The following ZNF382 variants were observed in gnomAD, a reference collection of about 807,000 sequenced individuals.
The protein encoded by ZNF382 is KRAB/zinc finger suppressor protein 1.
Under a neutral mutation model 38.8 loss-of-function variants are expected in ZNF382, and 20 were observed. The observed-to-expected ratio is 0.51, with a 90% CI of 0.36 to 0.75. The LOEUF is 0.75. ZNF382 is among the 30% of genes least tolerant of loss of function. ZNF382 has a pLI of 0.00. For missense variants in ZNF382, 546 were observed against 654.1 expected, an observed-to-expected ratio of 0.83 and a Z score of 1.80; for synonymous variants, 202 against 223.1, an observed-to-expected ratio of 0.91 and a Z score of 0.84.
chr19:36,627,383 C>T lies in ZNF382; in HGVS notation c.1486C>T (p.Gln496Ter). 6.2e-7 allele frequency: 1 copy of T among 1,614,108 alleles called. No individual in the cohort carries two copies. The highest frequency in any genetic ancestry group is 1.6e-4 in the Middle Eastern group (1 of 6,062). The part of the protein sequence containing the change: ...HTGEKSNGCP[Q>*]CGKAFSRKSN... ...AGGAGAAAAATCCAATGGGTGTCCT[C>T]AGTGTGGGAAAGCCTTCAGTAGGAA... The change falls in exon 5 of 5, where the codon CAG (glutamine) becomes TAG (stop). Residue 496 changes from glutamine (Q) to a stop codon, truncating the protein, a stop_gained. Coordinates refer to ENST00000292928, the MANE Select transcript of ZNF382 (RefSeq NM_032825.5). LOFTEE classifies it high-confidence loss of function.
At chr19:36,613,750 C>A (rs1233597856) in intron 4 of ZNF382, among the ~76,000 whole-genome samples, 1 of 151,898 alleles carries the variant, frequency 6.6e-6, no homozygotes, top group Admixed American at 6.6e-5. Context: ...GTATATTTTG[C>A]TTTTTAAGAT....
At position 36,614,912 on chromosome 19, in the gene ZNF382, T is replaced by TCCTTTCCTTC. The variant is rs1182606368; in HGVS notation, c.232+4174_232+4175insTCCTTCCCTT. Among the ~76,000 whole-genome samples, 51 of 43,090 alleles carry TCCTTTCCTTC rather than the reference T, an allele frequency of 1.2e-3. 3 individuals carry two copies. Among genetic ancestry groups the TCCTTTCCTTC allele is most frequent in the African/African-American group, 2.1e-3 (17 of 8,244 alleles). The allele number at this position is 43,090 out of a possible 152,430, so 28.3% of individuals were successfully genotyped here. On this transcript the variant is annotated intron_variant, in intron 4 of 4. Coordinates refer to ENST00000292928, the MANE Select transcript of ZNF382 (RefSeq NM_032825.5). ...TCCTTTCCTTTCCTTTCCTTTCCTT[T>TCCTTTCCTTC]CCTTCCCTTTCCCTTTCCCTTTCCC...
In ZNF382 at chr19:36,626,136, A is replaced by G. The variant is rs757400244; in HGVS notation, c.239A>G (p.Asp80Gly). Residue 80 changes from aspartate to glycine, a missense_variant, in exon 5 of 5, where the codon GAT becomes GGT. Asp to Gly is a moderately conservative substitution (Grantham distance 94). Coordinates refer to ENST00000292928, the MANE Select transcript of ZNF382 (RefSeq NM_032825.5). ...IFPSYSYLEE[D>G]GKTEDVLVKF... ...TAATGGTATTCTTTTCTAGAAGAAG[A>G]TGGGAAAACTGAAGATGTCTTAGTG... The G allele has an allele frequency of 2.6e-6, 4 of 1,537,590 alleles. No homozygotes were observed. The highest frequency in any genetic ancestry group is 1.7e-4 in the Middle Eastern group (1 of 5,724).
At chr19:36,621,330 T>G (rs936629940) in intron 4 of ZNF382, among the ~76,000 whole-genome samples, 20 of 150,682 alleles carry the variant, frequency 1.3e-4, no homozygotes, top group East Asian at 9.7e-4. Context: ...CCTAGTTTTT[T>G]TTTTTTTTTT....
In ZNF382 at chr19:36,614,916, T is replaced by TTCCTTTCCTTTCCTTC. The variant is rs1568628623; in HGVS notation, c.232+4174_232+4175insTCCTTTCCTTTCCTTC. Among the ~76,000 whole-genome samples the TTCCTTTCCTTTCCTTC allele has an allele frequency of 2.6e-5, 3 of 115,282 alleles. 1 individual carries two copies. Among genetic ancestry groups the TTCCTTTCCTTTCCTTC allele is most frequent in the African/African-American group, 1.2e-4 (3 of 24,290 alleles). The allele number at this position is 115,282 out of a possible 152,430, so 75.6% of individuals were successfully genotyped here. A position where few individuals can be genotyped will look rare whatever the true frequency, so the allele number is the denominator to read the frequency against. ...TTCCTTTCCTTTCCTTTCCTTTCCT[T>TTCCTTTCCTTTCCTTC]CCCTTTCCCTTTCCCTTTCCCTTTC... On this transcript the variant is annotated intron_variant, in intron 4 of 4. Transcript: ENST00000292928.
intron 2 of ZNF382, 168 bp downstream of exon 2, chr19:36,607,790 T>G (rs1332648472): frequency 1.4e-6 from 1 of 693,094 alleles, no homozygotes. Flanking sequence ...GGTGAAATAT[T>G]TAAGGGGTAC....
intron 4 of ZNF382, among the ~76,000 whole-genome samples, chr19:36,615,954 T>TA (rs1279321557): frequency 6.6e-6 from 1 of 152,252 alleles, no homozygotes; most frequent in Admixed American, 6.5e-5. Flanking sequence ...ATCAAAATTT[T>TA]ACCCCAAGTC....
At position 36,613,846 on chromosome 19, in the gene ZNF382, C is replaced by T. The variant is rs184912485; in HGVS notation, c.232+3104C>T. 1.1e-4 allele frequency among the ~76,000 whole-genome samples: 17 copies of T among 152,206 alleles called. No individual in the cohort carries two copies. In the East Asian group the frequency reaches 3.3e-3, roughly 29 times the overall value. On this transcript the variant is annotated intron_variant, in intron 4 of 4. Coordinates refer to ENST00000292928, the MANE Select transcript of ZNF382 (RefSeq NM_032825.5). ...CTTCTATATGGTTATCAATTTGTTCCATCAGTATTTATTGACTGAATTACT... is the reference window on the plus strand; with the variant it reads ...CTTCTATATGGTTATCAATTTGTTCTATCAGTATTTATTGACTGAATTACT...
intron 4 of ZNF382, among the ~76,000 whole-genome samples, chr19:36,615,204 T>A (rs1600390547): frequency 1.3e-5 from 2 of 151,988 alleles, no homozygotes; most frequent in African/African-American, 2.4e-5. Flanking sequence ...GCCAGGCTGG[T>A]CTCGAACTCC....
At chr19:36,609,759 A>T in intron 2 of ZNF382, 143 bp from the exon 3 acceptor site, 1 of 782,818 alleles carries the variant, frequency 1.3e-6, no homozygotes, top group Middle Eastern at 2.4e-4. Context: ...TTAGCATGAG[A>T]TTATAAGTAA....
In ZNF382 at chr19:36,627,923, T is replaced by G. The variant is rs2037228554; in HGVS notation, c.*373T>G. ...GGACTACACAGTGAGTAGAGGTTCT[T>G]TAAAAGAAGGAGGTATGAACTGTAT... On this transcript the variant is annotated 3_prime_UTR_variant, in exon 5 of 5. Coordinates refer to ENST00000292928, the MANE Select transcript of ZNF382 (RefSeq NM_032825.5). 5.8e-6 allele frequency: 1 copy of G among 172,624 alleles called. No individual in the cohort carries two copies. Among genetic ancestry groups the G allele is most frequent in the Non-Finnish European group, 1.3e-5 (1 of 79,464 alleles). 10.7% of individuals were successfully genotyped at this position (172,624 alleles called of 1,614,324 possible).
chr19:36,626,213 C>A lies in ZNF382; in HGVS notation c.316C>A (p.His106Asn). 6.3e-7 allele frequency: 1 copy of A among 1,599,462 alleles called. No homozygotes were observed. The change falls in exon 5 of 5, where the codon CAC becomes AAC. Residue 106 changes from histidine to asparagine, a missense_variant. His to Asn is a moderately conservative substitution (Grantham distance 68, BLOSUM62 1). Transcript: ENST00000292928. ...RHSRPLIFIN[H>N]KKLIKERSNI... ...TTCTAGACCCCTCATATTCATCAAC[C>A]ACAAAAAACTAATTAAGGAGAGAAG... is the stretch of plus-strand genomic sequence containing the variant.
intron 4 of ZNF382, among the ~76,000 whole-genome samples, chr19:36,614,914 C>CCTTTCCCT (rs1555793084): frequency 1.1e-5 from 1 of 90,788 alleles, no homozygotes; most frequent in Non-Finnish European, 2.2e-5. Flanking sequence ...CTTTCCTTTC[C>CCTTTCCCT]TTCCCTTTCC....
In ZNF382 at chr19:36,631,231, CACCT is replaced by C. The variant is rs1292428374; in HGVS notation, c.*3683_*3686del. 1 of 152,142 alleles carries C rather than the reference CACCT, an allele frequency of 6.6e-6. No individual in the cohort carries two copies. The highest frequency in any genetic ancestry group is 1.9e-4 in the East Asian group (1 of 5,194). 9.4% of individuals were successfully genotyped at this position (152,142 alleles called of 1,614,324 possible). On this transcript the variant is annotated 3_prime_UTR_variant, in exon 5 of 5. Coordinates refer to ENST00000292928, the MANE Select transcript of ZNF382 (RefSeq NM_032825.5). The stretch of plus-strand genomic sequence containing the variant: ...AACCGAGATGGTACAGCCTACTAAA[CACCT>C]AGGCTATATGGTAGAGCCTGTTGCT...
At chr19:36,610,879 A>G (rs1265040591) in intron 4 of ZNF382, 137 bp downstream of exon 4, 16 of 586,306 alleles carry the variant, frequency 2.7e-5, no homozygotes, top group Non-Finnish European at 4.2e-5. Context: ...TTTTAAGCAT[A>G]TAGTTCAGTA....
chr19:36,605,711 C>G (rs2037016225), intron 1 of ZNF382: 1 of 152,260 alleles, frequency 6.6e-6, no homozygotes. Context: ...GCCTCCTGCG[C>G]CCAACCTGCT....
intron 4 of ZNF382, among the ~76,000 whole-genome samples, chr19:36,625,089 A>AATATATATATATGTATAT: frequency 2.3e-5 from 1 of 42,994 alleles, no homozygotes; most frequent in South Asian, 1.3e-3. Context: ...AATGAATTTA[A>AATATATATATATGTATAT]ATATATATAT....
chr19:36,618,073 T>C (rs1424857251), intron 4 of ZNF382, among the ~76,000 whole-genome samples: 11 of 152,190 alleles, frequency 7.2e-5, no homozygotes, highest in Non-Finnish European at 1.6e-4. Flanking sequence ...GGACCAGGAT[T>C]TTTTGTTCTT....
At chr19:36,618,601 T>C (rs945616142) in intron 4 of ZNF382, among the ~76,000 whole-genome samples, 3 of 152,240 alleles carry the variant, frequency 2.0e-5, no homozygotes, top group African/African-American at 4.8e-5. Context: ...GTAGCTCTTA[T>C]GCAGTGTGGT....
Sources: allele counts gnomAD v4.1 joint callset (sites outside exome capture counted in the v4.1 genomes callset), GRCh38; gene constraint gnomAD v4.1.1; transcripts MANE v1.5; gene names NCBI Gene and HGNC (gene_info 2026-07-23, HGNC 2026-07-21).